COL4A3: variants seen among roughly 807,000 people sequenced by gnomAD.
COL4A3 encodes the protein collagen type IV alpha 3 chain, also known as collagen alpha-3(IV) chain.
In COL4A3, 135 loss-of-function variants were observed where a neutral mutation model predicts 217.4. The observed-to-expected ratio is 0.62, with a 90% CI of 0.54 to 0.72. The LOEUF (loss-of-function observed/expected upper bound fraction) is 0.72, where lower values mean the gene tolerates loss of function less well. Ranked by LOEUF, COL4A3 falls within the 30% of genes least tolerant of loss-of-function variation. The pLI is 0.00. For missense variants in COL4A3, 1,868 were observed against 2,119.9 expected (o/e 0.88, Z 2.33); for synonymous variants, 690 against 736.3 (o/e 0.94, Z 1.02).
intron 6 of COL4A3, 86 bp downstream of exon 6, chr2:227,246,102 G>A (rs930392987): frequency 6.5e-6 from 7 of 1,075,360 alleles, no homozygotes; most frequent in Non-Finnish European, 8.5e-6. Context: ...AGGCAGACAG[G>A]CTTCCCTTGA....
chr2:227,244,382 T>C lies in COL4A3; in HGVS notation c.279+18T>C. 6.2e-7 allele frequency: 1 copy of C among 1,611,700 alleles called. No homozygotes were observed. Among genetic ancestry groups the C allele is most frequent in the Non-Finnish European group, 8.5e-7 (1 of 1,177,906 alleles). Reference sequence around the variant, plus strand: ...GTGTAAGGGTTAGTAGTCCAACCAGTCCACCCTGATCGTTAAAAGATCAGC... The same window carrying C: ...GTGTAAGGGTTAGTAGTCCAACCAGCCCACCCTGATCGTTAAAAGATCAGC... On this transcript the variant is annotated intron_variant, in intron 4 of 51. Transcript: ENST00000396578.
intron 26 of COL4A3, among the ~76,000 whole-genome samples, chr2:227,273,401 A>G (rs1041119846): frequency 2.0e-5 from 3 of 152,028 alleles, no homozygotes; most frequent in African/African-American, 7.2e-5. Flanking sequence ...GTTATTGCAA[A>G]TTTGTTTTTT....
chr2:227,302,911 G>A, intron 43 of COL4A3, 127 bp from the exon 44 acceptor site: 3 of 678,908 alleles, frequency 4.4e-6, no homozygotes, highest in Non-Finnish European at 8.0e-6. Flanking sequence ...TAAAAATGAT[G>A]TCTGCTAACT....
chr2:227,291,002 C>A, intron 37 of COL4A3, 116 bp downstream of exon 37: 1 of 1,211,840 alleles, frequency 8.3e-7, no homozygotes, highest in Non-Finnish European at 1.2e-6. Flanking sequence ...ACTATACTTT[C>A]AGACAGTTAT....
chr2:227,244,683 G>A (rs751084949), intron 4 of COL4A3: 94 of 634,566 alleles, frequency 1.5e-4, no homozygotes, highest in Non-Finnish European at 2.4e-4. Flanking sequence ...AAAGATTGGA[G>A]CACTTCATTG....
chr2:227,301,064 G>A (rs753745760), intron 43 of COL4A3, among the ~76,000 whole-genome samples: 7 of 152,150 alleles, frequency 4.6e-5, no homozygotes, highest in African/African-American at 9.7e-5. Flanking sequence ...TCTAGACTAA[G>A]AAGAGGGAGG....
chr2:227,266,610 C>A, intron 22 of COL4A3, 101 bp downstream of exon 22: 1 of 877,166 alleles, frequency 1.1e-6, no homozygotes, highest in Non-Finnish European at 1.9e-6. Context: ...AAATAGCTAC[C>A]AGTCAGTGAT....
chr2:227,170,903 A>C (rs1454332875), intron 1 of COL4A3, among the ~76,000 whole-genome samples: 1 of 152,194 alleles, frequency 6.6e-6, no homozygotes, highest in African/African-American at 2.4e-5. Flanking sequence ...ATCTATTTTA[A>C]GAAAATCATA....
intron 1 of COL4A3, among the ~76,000 whole-genome samples, chr2:227,224,080 G>A (rs1349101142): frequency 2.6e-5 from 4 of 152,158 alleles, no homozygotes; most frequent in South Asian, 4.1e-4. Context: ...GCACGCAATC[G>A]CTCCGAACGC....
At chr2:227,259,950 G>A (rs914958875) in intron 19 of COL4A3, 73 bp downstream of exon 19, 1 of 1,084,468 alleles carries the variant, frequency 9.2e-7, no homozygotes, top group Non-Finnish European at 1.4e-6. Flanking sequence ...TAAATAGCAT[G>A]TGCTTATGGA....
At chr2:227,193,573 G>A (rs530751129) in intron 1 of COL4A3, among the ~76,000 whole-genome samples, 4 of 151,988 alleles carry the variant, frequency 2.6e-5, no homozygotes, top group East Asian at 1.9e-4. Context: ...TTAGCCAGGC[G>A]TGGTTGTGCA....
intron 1 of COL4A3, among the ~76,000 whole-genome samples, chr2:227,173,549 C>T (rs966211024): frequency 2.6e-5 from 4 of 152,054 alleles, no homozygotes; most frequent in South Asian, 2.1e-4. Context: ...TCTATTACTG[C>T]GATAGTTTTC....
At chr2:227,199,142 A>G (rs2066590552) in intron 1 of COL4A3, among the ~76,000 whole-genome samples, 2 of 152,180 alleles carry the variant, frequency 1.3e-5, no homozygotes, top group South Asian at 4.1e-4. Flanking sequence ...GGAACATATT[A>G]CCAGTAAGTC....
chr2:227,282,288 A>G lies in COL4A3; in HGVS notation c.2489-77A>G, dbSNP rs892891015. The stretch of plus-strand genomic sequence containing the variant: ...TTCCATCTTAAAAATATATATATAT[A>G]TATATATATATATTTCTGAAGTTAG... On this transcript the variant is annotated intron_variant, in intron 31 of 51. Transcript: ENST00000396578. This position sits in a 1 kb window ranked among gnomAD's most constrained non-coding sequence, Gnocchi z 4.4. 1 of 642,982 alleles carries G rather than the reference A, an allele frequency of 1.6e-6. No homozygotes were observed. Among genetic ancestry groups the G allele is most frequent in the African/African-American group, 2.0e-5 (1 of 49,782 alleles). 39.8% of individuals were successfully genotyped at this position (642,982 alleles called of 1,614,324 possible).
At chr2:227,284,416 C>A in intron 34 of COL4A3, 71 bp downstream of exon 34, 1 of 1,540,222 alleles carries the variant, frequency 6.5e-7, no homozygotes, top group Admixed American at 1.9e-5. Context: ...CCAGGCAAAT[C>A]CGTTTGGTTG....
chr2:227,294,148 G>A (rs902142285), intron 38 of COL4A3: 12 of 303,794 alleles, frequency 4.0e-5, no homozygotes, highest in African/African-American at 2.4e-4. Flanking sequence ...TGAAACTATC[G>A]GGTTGCAGAT....
intron 1 of COL4A3, chr2:227,228,489 T>C (rs1385828520): frequency 2.0e-5 from 3 of 152,240 alleles, no homozygotes; most frequent in Non-Finnish European, 4.4e-5. Flanking sequence ...ACCTGCTCAG[T>C]AGGGTGTTAA....
In COL4A3 at chr2:227,247,540, A is replaced by G. The variant is rs751477933; in HGVS notation, c.442-18A>G. ...GTTTGATATTCCTCTAGTTGTTCAT[A>G]GGTTGCTTTTTTCCTAGGGTGCTGC... is the stretch of plus-strand genomic sequence containing the variant. On this transcript the variant is annotated intron_variant, in intron 7 of 51. Transcript: ENST00000396578. 6.2e-7 allele frequency: 1 copy of G among 1,613,718 alleles called. No homozygotes were observed. Among genetic ancestry groups the G allele is most frequent in the Non-Finnish European group, 8.5e-7 (1 of 1,179,656 alleles).
chr2:227,245,718 A>G (rs535207571), intron 5 of COL4A3: 1 of 575,792 alleles, frequency 1.7e-6, no homozygotes, highest in Admixed American at 2.9e-5. Flanking sequence ...TTATGGATAA[A>G]AGGCGTTTGC....
Sources: allele counts gnomAD v4.1 joint callset (sites outside exome capture counted in the v4.1 genomes callset), GRCh38; gene constraint gnomAD v4.1.1; non-coding constraint Gnocchi (gnomAD v3.1); transcripts MANE v1.5; gene names NCBI Gene and HGNC (gene_info 2026-07-23, HGNC 2026-07-21).